MYCBP2: variants seen among roughly 807,000 people sequenced by gnomAD.
The protein encoded by MYCBP2 is MYC binding protein 2.
MYCBP2 carries 120 observed loss-of-function variants against 525.3 expected under a neutral mutation model. The observed-to-expected ratio is 0.23, with a 90% CI of 0.20 to 0.27. MYCBP2 has a LOEUF of 0.27. Ranked by LOEUF, MYCBP2 falls within the 10% of genes least tolerant of loss-of-function variation. The pLI, the probability that MYCBP2 is intolerant of heterozygous loss-of-function variation, is 1.00. For missense variants in MYCBP2, 4,149 were observed against 5,657.1 expected, an observed-to-expected ratio of 0.73 and a Z score of 8.55; for synonymous variants, 1,894 against 1,955.8, an observed-to-expected ratio of 0.97 and a Z score of 0.83.
chr13:77,090,286 G>C (rs2045167821), intron 59 of MYCBP2, 23 bp from the exon 60 acceptor site: 1 of 1,571,024 alleles, frequency 6.4e-7, no homozygotes, highest in Non-Finnish European at 8.6e-7. Context: ...CAATGCAACA[G>C]ATACAAACTC....
In MYCBP2 at chr13:77,090,005, T is replaced by C. The variant is rs1431350708; in HGVS notation, c.10525+101A>G. 2.9e-6 allele frequency: 3 copies of C among 1,028,982 alleles called. No homozygotes were observed. The African/African-American group carries it at 4.9e-5, about 17-fold the overall frequency. 63.7% of individuals were successfully genotyped at this position (1,028,982 alleles called of 1,614,324 possible). A position where few individuals can be genotyped will look rare whatever the true frequency, so the allele number is the denominator to read the frequency against. On this transcript the variant is annotated intron_variant, in intron 60 of 82. Coordinates refer to ENST00000544440, the MANE Select transcript of MYCBP2 (RefSeq NM_015057.5). ...CACATTAGAAATTATCCCATGCCTTTTCCTTCAAAAATTAAATTTTAAAAA... is the reference window on the plus strand; with the variant it reads ...CACATTAGAAATTATCCCATGCCTTCTCCTTCAAAAATTAAATTTTAAAAA...
At chr13:77,313,220 G>T (rs1000324147) in intron 1 of MYCBP2, among the ~76,000 whole-genome samples, 3 of 151,978 alleles carry the variant, frequency 2.0e-5, no homozygotes, top group Non-Finnish European at 4.4e-5. Context: ...GCACAGCCCA[G>T]ATAAAAATTC....
In MYCBP2 at chr13:77,095,046, C is replaced by T. The variant is rs900307738; in HGVS notation, c.10199+312G>A. On this transcript the variant is annotated intron_variant, in intron 58 of 82. Transcript: ENST00000544440. Reference sequence around the variant, plus strand: ...GCTAAGGAAACACACTTTCTTTACACTTCAGCATTTCGCACTAACAGAGTG... The same window carrying T: ...GCTAAGGAAACACACTTTCTTTACATTTCAGCATTTCGCACTAACAGAGTG... Among the ~76,000 whole-genome samples the T allele has an allele frequency of 1.6e-4, 24 of 152,250 alleles. No individual in the cohort carries two copies. The South Asian group carries it at 2.1e-3, about 13-fold the overall frequency.
intron 44 of MYCBP2, among the ~76,000 whole-genome samples, chr13:77,160,490 G>A (rs577890890): frequency 2.9e-4 from 44 of 152,310 alleles, no homozygotes; most frequent in Non-Finnish European, 5.1e-4. Context: ...TAAGTAAAAT[G>A]TAAAGCACTA....
intron 52 of MYCBP2, among the ~76,000 whole-genome samples, chr13:77,128,572 A>G (rs554414416): frequency 4.6e-5 from 7 of 152,080 alleles, no homozygotes; most frequent in Admixed American, 3.9e-4. Flanking sequence ...TTGAAAAGGT[A>G]ATAAAACTAT....
chr13:77,170,160 G>A (rs1316193187), intron 38 of MYCBP2, among the ~76,000 whole-genome samples: 4 of 152,206 alleles, frequency 2.6e-5, no homozygotes, highest in Admixed American at 2.6e-4. Context: ...TCATTTGGAT[G>A]TTGGGAAGAT....
rs1209297749 is a variant in MYCBP2, at chr13:77,058,497, T to C, written c.13141-91A>G. ...TATTATATAAATTTCCAAAGATTAC[T>C]TTCCCACAGGAAGTATCTATGCAGG... On this transcript the variant is annotated intron_variant, in intron 77 of 82. Transcript: ENST00000544440. The surrounding 1 kb of genome is among the most constrained non-coding windows in gnomAD (Gnocchi z 4.1). The C allele has an allele frequency of 2.6e-6, 3 of 1,155,492 alleles. No homozygotes were observed. In the Admixed American group the frequency reaches 9.2e-5, roughly 35 times the overall value. The allele number at this position is 1,155,492 out of a possible 1,614,324, so 71.6% of individuals were successfully genotyped here. A position where few individuals can be genotyped will look rare whatever the true frequency, so the allele number is the denominator to read the frequency against.
intron 1 of MYCBP2, among the ~76,000 whole-genome samples, chr13:77,301,448 A>AAAAAAC (rs1555470570): frequency 2.6e-5 from 3 of 113,870 alleles, no homozygotes; most frequent in Non-Finnish European, 5.9e-5. Flanking sequence ...AAAAAAAAAA[A>AAAAAAC]AGAGGCTGGG....
intron 55 of MYCBP2, chr13:77,099,782 T>A (rs1472307426): frequency 6.6e-6 from 1 of 152,070 alleles, no homozygotes; most frequent in East Asian, 1.9e-4. Context: ...GTCAGGAGAA[T>A]GACAGAAAAA....
At position 77,093,189 on chromosome 13, in the gene MYCBP2, C is replaced by G; in HGVS notation, c.10343G>C (p.Ser3448Thr). Residue 3448 changes from serine (S) to threonine (T), a missense_variant, in exon 59 of 83, where the codon AGC (serine) becomes ACC (threonine). By Grantham distance (58) the Ser-to-Thr change is moderately conservative. Transcript: ENST00000544440. ...CCTTGGTGGCATAGACTTCATATTG[C>G]TCTCTGGCTCTTCAAATACATTAGG... ...ASPNVFEEPE[S>T]NMKSMPPSLE... The G allele has an allele frequency of 6.2e-7, 1 of 1,612,074 alleles. No individual in the cohort carries two copies. The highest frequency in any genetic ancestry group is 8.5e-7 in the Non-Finnish European group (1 of 1,179,010).
intron 54 of MYCBP2, among the ~76,000 whole-genome samples, chr13:77,122,895 C>T (rs2051002239): frequency 6.6e-6 from 1 of 152,040 alleles, no homozygotes; most frequent in Non-Finnish European, 1.5e-5. Flanking sequence ...CTTCAGCATG[C>T]AATATTTCAG....
chr13:77,087,525 C>T lies in MYCBP2; in HGVS notation c.10834G>A (p.Glu3612Lys). 1 of 1,613,098 alleles carries T rather than the reference C, an allele frequency of 6.2e-7. No homozygotes were observed. Among genetic ancestry groups the T allele is most frequent in the Non-Finnish European group, 8.5e-7 (1 of 1,179,494 alleles). Reference sequence around the variant, plus strand: ...TTGCTTGTTTTATTTTCTTCATCCTCTTCTTCCTCTGGTTCCACTGGTGCA... The same window carrying T: ...TTGCTTGTTTTATTTTCTTCATCCTTTTCTTCCTCTGGTTCCACTGGTGCA... ...TPAPVEPEEE[E>K]DEENKTSKEN... Residue 3612 changes from glutamate to lysine, a missense_variant, in exon 62 of 83, where the codon GAG becomes AAG. Coordinates refer to ENST00000544440, the MANE Select transcript of MYCBP2 (RefSeq NM_015057.5).
At chr13:77,073,273 A>G (rs1300330466) in intron 68 of MYCBP2, among the ~76,000 whole-genome samples, 5 of 152,168 alleles carry the variant, frequency 3.3e-5, no homozygotes, top group Admixed American at 3.3e-4. Flanking sequence ...AGAGAAACAT[A>G]TAAAGGTACC....
chr13:77,183,541 CTTTTTTTT>C (rs60927409), intron 32 of MYCBP2, among the ~76,000 whole-genome samples: 74 of 66,068 alleles, frequency 1.1e-3, no homozygotes, highest in African/African-American at 1.6e-3. Flanking sequence ...GTCCCTATTT[CTTTTTTTT>C]TTTTTTTTTT....
chr13:77,047,814 C>T (rs953310026), intron 82 of MYCBP2, among the ~76,000 whole-genome samples: 3 of 152,056 alleles, frequency 2.0e-5, no homozygotes, highest in East Asian at 1.9e-4. Flanking sequence ...GCCAGGGTCC[C>T]GGGCCAAGCT....
chr13:77,075,184 G>T (rs1381247856), intron 68 of MYCBP2, among the ~76,000 whole-genome samples: 1 of 152,130 alleles, frequency 6.6e-6, no homozygotes, highest in Non-Finnish European at 1.5e-5. Flanking sequence ...CTCTATCCTG[G>T]ATGACAGAGA....
intron 68 of MYCBP2, among the ~76,000 whole-genome samples, chr13:77,071,265 G>GCACACACA (rs763061151): frequency 4.6e-5 from 4 of 87,408 alleles, no homozygotes; most frequent in Non-Finnish European, 1.0e-4. Flanking sequence ...GCACGTGTGT[G>GCACACACA]CACACGCACA....
Position 77,326,563 on chromosome 13 carries a change from C to T in MYCBP2, c.213G>A (p.Arg71=). 1 of 1,598,182 alleles carries T rather than the reference C, an allele frequency of 6.3e-7. No homozygotes were observed. The highest frequency in any genetic ancestry group is 8.5e-7 in the Non-Finnish European group (1 of 1,173,100). The part of the protein sequence containing the change: ...RGHYQLLLSG[R]ALADRYRRIY... ...TCCTCCGGTAGCGGTCGGCCAGGGCCCGGCCTGACAGCAGCAGCTGGTAGT... is the reference window on the plus strand; with the variant it reads ...TCCTCCGGTAGCGGTCGGCCAGGGCTCGGCCTGACAGCAGCAGCTGGTAGT... Residue 71 remains arginine (R), a synonymous_variant, in exon 1 of 83, where the codon CGG becomes CGA. Coordinates refer to ENST00000544440, the MANE Select transcript of MYCBP2 (RefSeq NM_015057.5). The surrounding 1 kb of genome is among the most constrained non-coding windows in gnomAD (Gnocchi z 4.2).
chr13:77,304,944 A>G (rs1256340757), intron 1 of MYCBP2, among the ~76,000 whole-genome samples: 2 of 151,690 alleles, frequency 1.3e-5, no homozygotes, highest in Non-Finnish European at 2.9e-5. Flanking sequence ...TCTCAACATT[A>G]AACAAGGGAA....
Sources: gnomAD v4.1 joint callset for allele counts (sites outside exome capture counted in the v4.1 genomes callset) on GRCh38, gnomAD v4.1.1 for gene constraint, Gnocchi (gnomAD v3.1) non-coding constraint, MANE v1.5 for transcripts, NCBI Gene and HGNC (gene_info 2026-07-23, HGNC 2026-07-21) for gene names.